PPP1R1C: variants seen among roughly 807,000 people sequenced by gnomAD.
PPP1R1C encodes protein phosphatase 1 regulatory inhibitor subunit 1C, also known as protein phosphatase 1 regulatory subunit 1C.
A neutral mutation model predicts 17.4 loss-of-function variants in PPP1R1C; 15 were observed. The ratio of observed to expected loss-of-function variants is 0.86; its 90% CI spans 0.58 to 1.33. The LOEUF is 1.33. Ranked by LOEUF, PPP1R1C falls within the 40% of genes most tolerant of loss-of-function variation. The probability of loss-of-function intolerance (pLI) is 0.00; values close to 1 mark genes in which losing one functional copy is unlikely to be tolerated. For missense variants in PPP1R1C, 143 were observed against 130.0 expected, an observed-to-expected ratio of 1.10 and a Z score of -0.48; for synonymous variants, 35 against 43.1, an observed-to-expected ratio of 0.81 and a Z score of 0.73.
intron 2 of PPP1R1C, among the ~76,000 whole-genome samples, chr2:182,032,469 A>T (rs1405265781): frequency 6.6e-6 from 1 of 152,114 alleles, no homozygotes; most frequent in Non-Finnish European, 1.5e-5. Context: ...CTCCATTACT[A>T]AGGGGAAAAG....
chr2:182,103,051 G>A (rs1214768993), intron 4 of PPP1R1C, among the ~76,000 whole-genome samples: 1 of 152,120 alleles, frequency 6.6e-6, no homozygotes, highest in Non-Finnish European at 1.5e-5. Flanking sequence ...CAATCCACCT[G>A]CCTTGGCCTC....
chr2:182,029,308 C>A (rs1196180), intron 2 of PPP1R1C, among the ~76,000 whole-genome samples: 128 of 151,986 alleles, frequency 8.4e-4, no homozygotes, highest in African/African-American at 2.9e-3. Context: ...TTCCTAGTCT[C>A]GATGGTCTTT....
downstream of PPP1R1C, among the ~76,000 whole-genome samples, chr2:182,119,864 C>G (rs1689688465): frequency 6.6e-6 from 1 of 152,128 alleles, no homozygotes; most frequent in Admixed American, 6.5e-5. Context: ...GTTGCCTGTT[C>G]ACTCTGATGG....
At chr2:182,015,544 C>T (rs1286683906) in intron 2 of PPP1R1C, among the ~76,000 whole-genome samples, 2 of 152,140 alleles carry the variant, frequency 1.3e-5, no homozygotes, top group Non-Finnish European at 2.9e-5. Context: ...ACAGCACTGG[C>T]TCTCACCTAA....
chr2:182,127,183 A>C (rs1399725694), intron 5 of PPP1R1C, among the ~76,000 whole-genome samples: 1 of 152,090 alleles, frequency 6.6e-6, no homozygotes, highest in African/African-American at 2.4e-5. Flanking sequence ...TGGTGACATA[A>C]ACTTGTAAGG....
intron 4 of PPP1R1C, among the ~76,000 whole-genome samples, chr2:182,093,084 C>G (rs573600831): frequency 6.6e-6 from 1 of 152,334 alleles, no homozygotes; most frequent in East Asian, 1.9e-4. Flanking sequence ...ACCCCTGCAG[C>G]AAGCATCTGC....
At chr2:181,970,218 G>A (rs899006932) in intron 1 of PPP1R1C, among the ~76,000 whole-genome samples, 2 of 152,010 alleles carry the variant, frequency 1.3e-5, no homozygotes, top group African/African-American at 4.8e-5. Context: ...GGCGTTGAAG[G>A]ATTAGGTATT....
At chr2:182,080,932 T>G (rs1688456704) in intron 4 of PPP1R1C, among the ~76,000 whole-genome samples, 1 of 152,362 alleles carries the variant, frequency 6.6e-6, no homozygotes, top group South Asian at 2.1e-4. Flanking sequence ...AAAAACTGTA[T>G]GTAAAATGCT....
Position 182,061,477 on chromosome 2 carries a change from G to T in PPP1R1C, c.178G>T (p.Glu60Ter). 6.8e-7 allele frequency: 1 copy of T among 1,466,410 alleles called. No homozygotes were observed. Among genetic ancestry groups the T allele is most frequent in the Non-Finnish European group, 9.0e-7 (1 of 1,111,806 alleles). The allele number at this position is 1,466,410 out of a possible 1,614,324, so 90.8% of individuals were successfully genotyped here. The change falls in exon 3 of 5, where the codon GAA (glutamate) becomes TAA (stop). Residue 60 changes from glutamate to a stop codon, truncating the protein, a stop_gained and splice_region_variant. Coordinates refer to ENST00000682840, the MANE Select transcript of PPP1R1C (RefSeq NM_001080545.3). LOFTEE classifies it high-confidence loss of function. ...CAAGAGGGGGCCCAACACACAAGGG[G>T]AAGTAAGTTTTTAAAAATATTTTGT... ...DDKRGPNTQG[E>*]LQNASPKQRK... is the part of the protein sequence containing the mutation.
Position 181,962,182 on chromosome 2 carries a change from C to T in PPP1R1C, n.111+7548C>T, listed in dbSNP as rs1030506435. The T allele has an allele frequency of 8.1e-6, 6 of 742,036 alleles. No homozygotes were observed. Among genetic ancestry groups the T allele is most frequent in the Non-Finnish European group, 1.5e-5 (6 of 406,288 alleles). The allele number at this position is 742,036 out of a possible 1,614,324, so 46.0% of individuals were successfully genotyped here. On this transcript the variant is annotated intron_variant and non_coding_transcript_variant, in intron 1 of 5. Transcript: ENST00000464264. The surrounding 1 kb of genome is among the most constrained non-coding windows in gnomAD (Gnocchi z 6.0). ...GCTTCCGGTTCTTGGTCTCCAGGCT[C>T]CTCACTCTGTCCAGGTAGGAGGCCA...
At position 181,961,082 on chromosome 2, in the gene PPP1R1C, G is replaced by A. The variant is rs1201975385; in HGVS notation, n.111+6448G>A. 3.7e-6 allele frequency: 2 copies of A among 541,716 alleles called. No individual in the cohort carries two copies. The highest frequency in any genetic ancestry group is 1.9e-5 in the African/African-American group (1 of 52,536). 33.6% of individuals were successfully genotyped at this position (541,716 alleles called of 1,614,324 possible). A position where few individuals can be genotyped will look rare whatever the true frequency, so the allele number is the denominator to read the frequency against. On this transcript the variant is annotated intron_variant and non_coding_transcript_variant, in intron 1 of 5. Coordinates refer to the PPP1R1C transcript ENST00000464264. The surrounding 1 kb of genome is among the most constrained non-coding windows in gnomAD (Gnocchi z 5.8). Reference sequence around the variant, plus strand: ...AACTGCAAAATAAAGGCTGTAACAGGAGCGTGTGTCACATCATCATAGCAG... The same window carrying A: ...AACTGCAAAATAAAGGCTGTAACAGAAGCGTGTGTCACATCATCATAGCAG...
intron 4 of PPP1R1C, among the ~76,000 whole-genome samples, chr2:182,105,339 G>A (rs1240413033): frequency 6.6e-6 from 1 of 152,178 alleles, no homozygotes; most frequent in Non-Finnish European, 1.5e-5. Context: ...CTTAAAAATT[G>A]TGGTCAAAAA....
intron 2 of PPP1R1C, among the ~76,000 whole-genome samples, chr2:182,000,249 C>T (rs1283899914): frequency 6.6e-6 from 1 of 152,146 alleles, no homozygotes; most frequent in African/African-American, 2.4e-5. Flanking sequence ...GAACAAATCT[C>T]AAACCCACCT....
intron 4 of PPP1R1C, among the ~76,000 whole-genome samples, chr2:182,086,715 AAACTATAAGGCTC>A (rs1688638956): frequency 6.6e-6 from 1 of 152,202 alleles, no homozygotes; most frequent in Non-Finnish European, 1.5e-5. Context: ...TTAAGAATTA[AAACTATAAGGCTC>A]TATATATGTA....
chr2:182,031,696 T>G (rs1201980010), intron 2 of PPP1R1C, among the ~76,000 whole-genome samples: 1 of 152,218 alleles, frequency 6.6e-6, no homozygotes, highest in Non-Finnish European at 1.5e-5. Context: ...ATACAGCTCT[T>G]TGACCACACA....
chr2:181,964,788 A>G (rs1240770402), intron 1 of PPP1R1C, among the ~76,000 whole-genome samples: 4 of 152,034 alleles, frequency 2.6e-5, no homozygotes, highest in African/African-American at 9.7e-5. Context: ...TCACTACAAC[A>G]TCCGCCTCCC....
intron 4 of PPP1R1C, among the ~76,000 whole-genome samples, chr2:182,110,419 C>T (rs2125233866): frequency 6.6e-6 from 1 of 152,182 alleles, no homozygotes; most frequent in African/African-American, 2.4e-5. Context: ...TAGTCAGAGC[C>T]TTCTCTCCTT....
chr2:182,035,948 C>A (rs1422909179), intron 2 of PPP1R1C, among the ~76,000 whole-genome samples: 3 of 152,102 alleles, frequency 2.0e-5, no homozygotes, highest in Non-Finnish European at 4.4e-5. Flanking sequence ...TATAAAGACT[C>A]ATGCTATGTA....
At chr2:181,990,262 C>T (rs1375080356) in intron 2 of PPP1R1C, among the ~76,000 whole-genome samples, 1 of 152,050 alleles carries the variant, frequency 6.6e-6, no homozygotes, top group Admixed American at 6.5e-5. Flanking sequence ...CCTCAGCCTC[C>T]CGAGCAGCTG....
Sources: allele counts gnomAD v4.1 joint callset (sites outside exome capture counted in the v4.1 genomes callset), GRCh38; gene constraint gnomAD v4.1.1; non-coding constraint Gnocchi (gnomAD v3.1); transcripts MANE v1.5; gene names NCBI Gene and HGNC (gene_info 2026-07-23, HGNC 2026-07-21).